Variants in TF observed in about 807,000 individuals in gnomAD.
TF encodes serotransferrin.
In TF, 55 loss-of-function variants were observed where a neutral mutation model predicts 82.4. That is an observed-to-expected ratio of 0.67 (90% CI 0.54 to 0.84). The LOEUF (loss-of-function observed/expected upper bound fraction) is 0.84, where lower values mean the gene tolerates loss of function less well. Ranked by LOEUF, TF falls within the 40% of genes least tolerant of loss-of-function variation. The probability of loss-of-function intolerance (pLI) is 0.00; values close to 1 mark genes in which losing one functional copy is unlikely to be tolerated. For missense variants in TF, 737 were observed against 868.4 expected, an observed-to-expected ratio of 0.85 and a Z score of 1.90; for synonymous variants, 332 against 332.6, an observed-to-expected ratio of 1.00 and a Z score of 0.02.
intron 14 of TF, chr3:133,773,254 C>A (rs1014003376): frequency 6.6e-6 from 1 of 152,032 alleles, no homozygotes; most frequent in Non-Finnish European, 1.5e-5. Flanking sequence ...ACTCCGCCTC[C>A]CAGATTTAAG....
intron 14 of TF, chr3:133,772,702 CGTGTCT>C (rs1934289605): frequency 8.1e-6 from 1 of 123,662 alleles, no homozygotes; most frequent in Middle Eastern, 4.0e-3. Context: ...TTCTTCAAAA[CGTGTCT>C]TTTTTCAAAC....
intron 5 of TF, among the ~76,000 whole-genome samples, 168 bp from the exon 6 acceptor site, chr3:133,756,114 C>T (rs8177228): frequency 0.035 from 5,360 of 152,162 alleles, 303 homozygotes; most frequent in African/African-American, 0.12. Flanking sequence ...AGCTCATTCC[C>T]CCATCTCAGC....
the TF span, among the ~76,000 whole-genome samples, chr3:133,682,656 A>G: frequency 2.0e-5 from 3 of 152,224 alleles, no homozygotes; most frequent in South Asian, 2.1e-4. Context: ...AGAAGTTTAG[A>G]GAAAAAAGAG....
At chr3:133,710,072 T>C in the TF span, 1 of 152,446 alleles carries the variant, frequency 6.6e-6, no homozygotes, top group Non-Finnish European at 1.5e-5. Context: ...CTGTTTTTCA[T>C]GTTCATCCTC....
the TF span, among the ~76,000 whole-genome samples, chr3:133,728,400 C>T: frequency 6.6e-6 from 1 of 152,122 alleles, no homozygotes; most frequent in East Asian, 1.9e-4. Context: ...TCATTTCATT[C>T]ATTTCATCTT....
At chr3:133,762,845 CT>C (rs1481655034) in intron 9 of TF, among the ~76,000 whole-genome samples, 1 of 152,180 alleles carries the variant, frequency 6.6e-6, no homozygotes, top group Non-Finnish European at 1.5e-5. Flanking sequence ...AATGATTTTT[CT>C]CTTTTGGCAT....
the TF span, among the ~76,000 whole-genome samples, chr3:133,692,485 G>A: frequency 3.3e-5 from 5 of 152,256 alleles, no homozygotes; most frequent in African/African-American, 4.8e-5. Flanking sequence ...GTGCTGAAGC[G>A]CTCCCTAAGT....
At chr3:133,693,362 C>T in the TF span, among the ~76,000 whole-genome samples, 1 of 152,184 alleles carries the variant, frequency 6.6e-6, no homozygotes, top group Non-Finnish European at 1.5e-5. Flanking sequence ...TTGTGTTCTC[C>T]AGGCTCCCTG....
At chr3:133,765,649 C>T (rs1229352474) in intron 11 of TF, among the ~76,000 whole-genome samples, 1 of 152,166 alleles carries the variant, frequency 6.6e-6, no homozygotes, top group East Asian at 1.9e-4. Context: ...AAAAGCCATT[C>T]TTATTCTATG....
At chr3:133,769,054 A>G (rs1934197937) in intron 13 of TF, among the ~76,000 whole-genome samples, 3 of 152,110 alleles carry the variant, frequency 2.0e-5, no homozygotes, top group Non-Finnish European at 4.4e-5. Flanking sequence ...TTGGCCTCCC[A>G]AAGTGCTGGT....
chr3:133,711,129 A>G, the TF span, among the ~76,000 whole-genome samples: 24 of 152,210 alleles, frequency 1.6e-4, no homozygotes, highest in Non-Finnish European at 3.5e-4. Context: ...AATCTAGTTA[A>G]GAAACGTTTG....
At chr3:133,663,904 G>A in the TF span, among the ~76,000 whole-genome samples, 3 of 152,288 alleles carry the variant, frequency 2.0e-5, no homozygotes, top group African/African-American at 4.8e-5. Flanking sequence ...GATACCAGAG[G>A]AGTGACCTGT....
intron 5 of TF, 64 bp downstream of exon 5, chr3:133,755,559 T>C: frequency 6.2e-7 from 1 of 1,608,096 alleles, no homozygotes; most frequent in Non-Finnish European, 8.5e-7. Flanking sequence ...GTGAGAGTTC[T>C]TTGCTGGTCC....
intron 13 of TF, 41 bp from the exon 14 acceptor site, chr3:133,770,467 G>A: frequency 6.2e-7 from 1 of 1,606,698 alleles, no homozygotes; most frequent in South Asian, 1.1e-5. Flanking sequence ...AAGTCACTCT[G>A]ACCGCCTTTT....
chr3:133,775,464 G>A lies in TF; in HGVS notation c.1719G>A (p.Leu573=), dbSNP rs1559879071. 2.5e-6 allele frequency: 4 copies of A among 1,614,206 alleles called. No homozygotes were observed. The highest frequency in any genetic ancestry group is 1.1e-5 in the South Asian group (1 of 91,078). ...GKNPDPWAKN[L]NEKDYELLCL... is the part of the protein sequence containing the mutation. ...ACCCTGATCCATGGGCTAAGAATCT[G>A]AATGAAAAAGACTATGAGTTGCTGT... The change falls in exon 15 of 17, where the codon CTG becomes CTA. Residue 573 remains leucine, a synonymous_variant. Transcript: ENST00000402696.
At chr3:133,718,384 CGGCAGAAGAG>C in the TF span, among the ~76,000 whole-genome samples, 2 of 152,078 alleles carry the variant, frequency 1.3e-5, no homozygotes, top group South Asian at 4.2e-4. Context: ...TGTACCTGGA[CGGCAGAAGAG>C]GGCACTGGAG....
At chr3:133,722,404 A>C in the TF span, among the ~76,000 whole-genome samples, 1 of 152,102 alleles carries the variant, frequency 6.6e-6, no homozygotes, top group African/African-American at 2.4e-5. Context: ...ACCCATTTAC[A>C]TTCAAAGGCT....
Position 133,770,473 on chromosome 3 carries a change from CT to C in TF, c.1623-26del, listed in dbSNP as rs754872043. On this transcript the variant is annotated intron_variant, in intron 13 of 16. Coordinates refer to ENST00000402696, the MANE Select transcript of TF (RefSeq NM_001063.4). ...ATGACAGATAAGTCACTCTGACCGCCTTTTTTTTTCTCTCCCACTTCTGGAC... is the reference window on the plus strand; with the variant it reads ...ATGACAGATAAGTCACTCTGACCGCCTTTTTTTTCTCTCCCACTTCTGGAC... The C allele has an allele frequency of 3.0e-5, 47 of 1,588,074 alleles. No individual in the cohort carries two copies. The Middle Eastern group carries it at 5.0e-4, about 17-fold the overall frequency.
chr3:133,756,898 G>T lies in TF; in HGVS notation c.759G>T (p.Pro253=). 6.2e-7 allele frequency: 1 copy of T among 1,614,198 alleles called. No individual in the cohort carries two copies. The highest frequency in any genetic ancestry group is 8.5e-7 in the Non-Finnish European group (1 of 1,180,042). Residue 253 remains proline (P), a synonymous_variant, in exon 7 of 17, where the codon CCG becomes CCT. Coordinates refer to ENST00000402696, the MANE Select transcript of TF (RefSeq NM_001063.4). ...TTTGCCTGGACAACACCCGGAAGCC[G>T]GTAGATGAATACAAGGACTGCCACT... ...ELLCLDNTRK[P]VDEYKDCHLA...
Sources: gnomAD v4.1 joint callset for allele counts (sites outside exome capture counted in the v4.1 genomes callset) on GRCh38, gnomAD v4.1.1 for gene constraint, MANE v1.5 for transcripts, NCBI Gene and HGNC (gene_info 2026-07-23, HGNC 2026-07-21) for gene names.